DENND5B: variants seen among roughly 807,000 people sequenced by gnomAD.
The protein encoded by DENND5B is DENN domain containing 5B, also known as DENN domain-containing protein 5B.
Under a neutral mutation model 140.6 loss-of-function variants are expected in DENND5B, and 34 were observed. The observed-to-expected ratio is 0.24, with a 90% CI of 0.18 to 0.32. The LOEUF (loss-of-function observed/expected upper bound fraction) is 0.32, where lower values mean the gene tolerates loss of function less well. Among genes scored for constraint, DENND5B ranks in the 10% least tolerant of loss-of-function variants. DENND5B has a pLI of 1.00. For synonymous variants in DENND5B, 551 were observed against 562.1 expected (o/e 0.98, Z 0.28); for missense variants, 1,142 against 1,560.2 (o/e 0.73, Z 4.52).
intron 7 of DENND5B, among the ~76,000 whole-genome samples, chr12:31,437,629 C>G (rs2137910239): frequency 6.6e-6 from 1 of 152,194 alleles, no homozygotes; most frequent in East Asian, 1.9e-4. Flanking sequence ...TTAATATATA[C>G]TTTTTCCTAA....
intron 1 of DENND5B, among the ~76,000 whole-genome samples, chr12:31,578,108 C>G (rs1211483767): frequency 1.3e-5 from 1 of 76,810 alleles, no homozygotes; most frequent in Non-Finnish European, 2.4e-5. Context: ...GCCTGGGGGA[C>G]AAAGTGGGAC....
chr12:31,413,303 G>C, intron 13 of DENND5B, 133 bp downstream of exon 13: 1 of 1,108,180 alleles, frequency 9.0e-7, no homozygotes, highest in Non-Finnish European at 1.2e-6. Flanking sequence ...GCACACGCCT[G>C]TTAGATAAAG....
intron 14 of DENND5B, 129 bp from the exon 15 acceptor site, chr12:31,402,772 T>C (rs539704682): frequency 6.2e-6 from 7 of 1,138,034 alleles, no homozygotes; most frequent in Middle Eastern, 2.8e-4. Flanking sequence ...GATGTACTTA[T>C]ACGAAAAGTT....
At chr12:31,420,526 C>A (rs906606320) in intron 11 of DENND5B, among the ~76,000 whole-genome samples, 6 of 151,790 alleles carry the variant, frequency 4.0e-5, no homozygotes, top group African/African-American at 1.5e-4. Context: ...TCACTGCAAC[C>A]TCTGCCTCCT....
chr12:31,465,763 G>C (rs915580821), intron 3 of DENND5B: 1 of 152,174 alleles, frequency 6.6e-6, no homozygotes, highest in African/African-American at 2.4e-5. Context: ...TTCATCTCAG[G>C]TATTGCCAAC....
intron 4 of DENND5B, among the ~76,000 whole-genome samples, chr12:31,454,142 CA>C (rs372795117): frequency 0.018 from 1,690 of 96,312 alleles, 15 homozygotes; most frequent in African/African-American, 0.041. Flanking sequence ...AGACTTTGGC[CA>C]AAAAAAAAAA....
At chr12:31,430,331 CT>C (rs1161947595) in intron 8 of DENND5B, among the ~76,000 whole-genome samples, 1 of 149,610 alleles carries the variant, frequency 6.7e-6, no homozygotes. Flanking sequence ...CCCCTGAATA[CT>C]TTTTAAAGTC....
At chr12:31,538,640 G>A (rs1316500974) in intron 1 of DENND5B, among the ~76,000 whole-genome samples, 1 of 152,176 alleles carries the variant, frequency 6.6e-6, no homozygotes, top group Admixed American at 6.5e-5. Flanking sequence ...GCTGAGACAG[G>A]TGGATCACTT....
intron 3 of DENND5B, among the ~76,000 whole-genome samples, chr12:31,478,967 A>G (rs1044562444): frequency 6.6e-6 from 1 of 152,022 alleles, no homozygotes; most frequent in Non-Finnish European, 1.5e-5. Flanking sequence ...CCACAAAGAT[A>G]ACTTCCTTCT....
At chr12:31,390,428 C>G (rs997445073) in intron 19 of DENND5B, among the ~76,000 whole-genome samples, 1 of 151,838 alleles carries the variant, frequency 6.6e-6, no homozygotes, top group Non-Finnish European at 1.5e-5. Context: ...CACCTGAGTT[C>G]GGGAGTTCGA....
At position 31,547,579 on chromosome 12, in the gene DENND5B, G is replaced by C. The variant is rs182182589; in HGVS notation, c.127+43127C>G. Among the ~76,000 whole-genome samples the C allele has an allele frequency of 2.6e-4, 39 of 151,820 alleles. No homozygotes were observed. In the South Asian group the frequency reaches 5.6e-3, roughly 22 times the overall value. Reference sequence around the variant, plus strand: ...AAGCTGGCTAATTTTTGTATTTTTAGTAGAGATGGGGTTTCATCATATTGG... The same window carrying C: ...AAGCTGGCTAATTTTTGTATTTTTACTAGAGATGGGGTTTCATCATATTGG... On this transcript the variant is annotated intron_variant, in intron 1 of 20. Transcript: ENST00000389082.
intron 3 of DENND5B, among the ~76,000 whole-genome samples, chr12:31,472,892 G>A (rs1277608235): frequency 6.6e-6 from 1 of 151,996 alleles, no homozygotes; most frequent in Admixed American, 6.6e-5. Flanking sequence ...AAGTTTCTGG[G>A]ACTCATTTGA....
intron 4 of DENND5B, among the ~76,000 whole-genome samples, chr12:31,453,969 C>T (rs1944656759): frequency 1.3e-5 from 2 of 151,862 alleles, no homozygotes; most frequent in Non-Finnish European, 1.5e-5. Context: ...TGGTGAAACT[C>T]TGTCTCTACT....
At chr12:31,508,733 A>C (rs1245743846) in intron 1 of DENND5B, among the ~76,000 whole-genome samples, 1 of 152,178 alleles carries the variant, frequency 6.6e-6, no homozygotes, top group African/African-American at 2.4e-5. Flanking sequence ...AAGGCCTTCA[A>C]GGCCCTCCCC....
At position 31,479,994 on chromosome 12, in the gene DENND5B, T is replaced by C; in HGVS notation, c.499A>G (p.Thr167Ala). The change falls in exon 3 of 21, where the codon ACA (threonine) becomes GCA (alanine). Residue 167 changes from threonine to alanine, a missense_variant. Around this residue, in one of 5 missense-constraint regions of DENND5B, gnomAD observed 708 missense variants for 905.5 expected, o/e 0.78. Coordinates refer to ENST00000389082, the MANE Select transcript of DENND5B (RefSeq NM_144973.4). The part of the protein sequence containing the change: ...SLASSLDEGD[T>A]TSLLKLQRYN... Reference sequence around the variant, plus strand: ...CGCTGGAGTTTCAAAAGGGAAGTTGTATCTCCTTCATCAAGACTACTTGCC... The same window carrying C: ...CGCTGGAGTTTCAAAAGGGAAGTTGCATCTCCTTCATCAAGACTACTTGCC... 1.2e-6 allele frequency: 2 copies of C among 1,614,046 alleles called. No individual in the cohort carries two copies. Among genetic ancestry groups the C allele is most frequent in the Non-Finnish European group, 1.7e-6 (2 of 1,179,886 alleles).
At chr12:31,538,080 C>T (rs1439529091) in intron 1 of DENND5B, among the ~76,000 whole-genome samples, 1 of 152,162 alleles carries the variant, frequency 6.6e-6, no homozygotes, top group Non-Finnish European at 1.5e-5. Context: ...ATCCCATTTT[C>T]AGCGTTGGAC....
intron 1 of DENND5B, among the ~76,000 whole-genome samples, chr12:31,565,455 T>C (rs959070632): frequency 3.3e-5 from 5 of 152,240 alleles, no homozygotes; most frequent in African/African-American, 1.2e-4. Flanking sequence ...TGTGGATGCC[T>C]CTGGTCGCTT....
At chr12:31,479,558 T>C in intron 3 of DENND5B, 31 bp downstream of exon 3, 4 of 1,454,180 alleles carry the variant, frequency 2.8e-6, no homozygotes, top group South Asian at 1.6e-5. Flanking sequence ...GTACTTGTTT[T>C]TGGAAAATGT....
Position 31,576,156 on chromosome 12 carries a change from A to AAAAAAG in DENND5B, c.127+14549_127+14550insCTTTTT, listed in dbSNP as rs1555176281. 3.4e-4 allele frequency among the ~76,000 whole-genome samples: 45 copies of AAAAAAG among 131,176 alleles called. 4 individuals carry two copies. Among genetic ancestry groups the AAAAAAG allele is most frequent in the East Asian group, 2.7e-3 (12 of 4,386 alleles). The allele number at this position is 131,176 out of a possible 152,430, so 86.1% of individuals were successfully genotyped here. On this transcript the variant is annotated intron_variant, in intron 1 of 20. Transcript: ENST00000389082. ...GCTCTGTCTCCAAAAAAAAAAAAAAAAAGAAGAATGAGGCCGCGCGCACAG... is the reference window on the plus strand; with the variant it reads ...GCTCTGTCTCCAAAAAAAAAAAAAAAAAAAAGAAGAAGAATGAGGCCGCGCGCACAG...
Sources: gnomAD v4.1 joint callset for allele counts (sites outside exome capture counted in the v4.1 genomes callset) on GRCh38, gnomAD v4.1.1 for gene constraint, gnomAD v4.1.1 regional missense constraint, MANE v1.5 for transcripts, NCBI Gene and HGNC (gene_info 2026-07-23, HGNC 2026-07-21) for gene names.